ASB7: variants seen among roughly 807,000 people sequenced by gnomAD.
ASB7 encodes ankyrin repeat and SOCS box protein 7.
Under a neutral mutation model 32.5 loss-of-function variants are expected in ASB7, and 4 were observed. That is an observed-to-expected ratio of 0.12 (90% CI 0.06 to 0.28). The LOEUF is 0.28. Among genes scored for constraint, ASB7 ranks in the 10% least tolerant of loss-of-function variants. ASB7 has a pLI of 1.00. For missense variants in ASB7, 181 were observed against 407.1 expected (o/e 0.44, Z 4.78); for synonymous variants, 172 against 155.6 (o/e 1.11, Z -0.78).
At chr15:100,627,280 G>A (rs1218376146) in intron 4 of ASB7, among the ~76,000 whole-genome samples, 2 of 152,184 alleles carry the variant, frequency 1.3e-5, no homozygotes, top group Non-Finnish European at 2.9e-5. Flanking sequence ...TGCTGTTTTA[G>A]ATGAAATGTT....
At chr15:100,614,318 G>A (rs1352998322) in intron 4 of ASB7, among the ~76,000 whole-genome samples, 3 of 151,502 alleles carry the variant, frequency 2.0e-5, no homozygotes, top group South Asian at 2.1e-4. Flanking sequence ...AAATTCTGTC[G>A]TATTATGTTG....
At chr15:100,610,448 T>C (rs2039685524) in intron 3 of ASB7, among the ~76,000 whole-genome samples, 1 of 150,508 alleles carries the variant, frequency 6.6e-6, no homozygotes, top group Non-Finnish European at 1.5e-5. Flanking sequence ...TGAGCTCAGA[T>C]CGCGCCACTG....
chr15:100,648,204 G>A, intron 5 of ASB7, 119 bp from the exon 6 acceptor site: 1 of 1,112,308 alleles, frequency 9.0e-7, no homozygotes, highest in Admixed American at 3.3e-5. Flanking sequence ...TATCTTTCCG[G>A]TCCTTTGCAT....
chr15:100,618,416 C>T (rs1423157586), intron 4 of ASB7, among the ~76,000 whole-genome samples: 1 of 152,042 alleles, frequency 6.6e-6, no homozygotes, highest in African/African-American at 2.4e-5. Flanking sequence ...CGTCCAGTCT[C>T]GAAACAATGT....
intron 4 of ASB7, among the ~76,000 whole-genome samples, chr15:100,627,904 C>T (rs769070405): frequency 1.3e-5 from 2 of 152,188 alleles, no homozygotes; most frequent in Non-Finnish European, 2.9e-5. Flanking sequence ...GTAAGCGATG[C>T]ACCTGGAACC....
intron 4 of ASB7, among the ~76,000 whole-genome samples, chr15:100,628,854 C>A (rs2039862244): frequency 6.6e-6 from 1 of 152,170 alleles, no homozygotes; most frequent in African/African-American, 2.4e-5. Context: ...GAATAGACTT[C>A]TATCTTGTGA....
intron 2 of ASB7, among the ~76,000 whole-genome samples, chr15:100,604,118 G>C (rs1307040475): frequency 6.6e-6 from 1 of 152,168 alleles, no homozygotes; most frequent in Non-Finnish European, 1.5e-5. Context: ...CTTTTGGTGT[G>C]TTTACATATC....
intron 5 of ASB7, chr15:100,646,269 T>G (rs879865550): frequency 1.5e-5 from 6 of 396,024 alleles, no homozygotes; most frequent in Non-Finnish European, 3.0e-5. Context: ...ATGTTGACTT[T>G]CCTTCCAAGG....
chr15:100,625,169 G>A (rs1309709577), intron 4 of ASB7, among the ~76,000 whole-genome samples: 1 of 152,138 alleles, frequency 6.6e-6, no homozygotes, highest in East Asian at 1.9e-4. Flanking sequence ...TTAAGATCAG[G>A]AACCAAGGGA....
intron 2 of ASB7, among the ~76,000 whole-genome samples, chr15:100,603,770 T>A (rs1025044849): frequency 6.6e-6 from 1 of 152,206 alleles, no homozygotes; most frequent in Non-Finnish European, 1.5e-5. Context: ...GAAAAATCTT[T>A]TGAGTTATCT....
At chr15:100,614,990 AC>A (rs1418805944) in intron 4 of ASB7, among the ~76,000 whole-genome samples, 3 of 152,142 alleles carry the variant, frequency 2.0e-5, no homozygotes, top group East Asian at 3.8e-4. Context: ...AAATTATAAT[AC>A]CATGTTTTAC....
At chr15:100,640,869 TA>T (rs2141406231) in intron 5 of ASB7, among the ~76,000 whole-genome samples, 1 of 152,346 alleles carries the variant, frequency 6.6e-6, no homozygotes, top group East Asian at 1.9e-4. Flanking sequence ...TCCTATTTTA[TA>T]CCAGCCCAAT....
In ASB7 at chr15:100,651,299, G is replaced by A. The variant is rs1048180523; in HGVS notation, c.*2837G>A. The A allele has an allele frequency of 1.3e-5, 2 of 151,452 alleles. No individual in the cohort carries two copies. The highest frequency in any genetic ancestry group is 4.9e-5 in the African/African-American group (2 of 41,114). 9.4% of individuals were successfully genotyped at this position (151,452 alleles called of 1,614,324 possible). A position where few individuals can be genotyped will look rare whatever the true frequency, so the allele number is the denominator to read the frequency against. ...ATATTTCTAAACTATTTACTACACAGTAATCCATGCCTGTTAGTTTGGAGG... is the reference window on the plus strand; with the variant it reads ...ATATTTCTAAACTATTTACTACACAATAATCCATGCCTGTTAGTTTGGAGG... On this transcript the variant is annotated 3_prime_UTR_variant, in exon 6 of 6. Coordinates refer to ENST00000332783, the MANE Select transcript of ASB7 (RefSeq NM_198243.3).
chr15:100,630,826 C>T lies in ASB7; in HGVS notation c.817+784C>T, dbSNP rs368913757. ...TGACCAGTTGAATGTGTGTCTCATG[C>T]TTAATGTCCACCATGAAGCTAAAAT... is the stretch of plus-strand genomic sequence containing the variant. On this transcript the variant is annotated intron_variant, in intron 5 of 5. Coordinates refer to ENST00000332783, the MANE Select transcript of ASB7 (RefSeq NM_198243.3). 5.6e-4 allele frequency among the ~76,000 whole-genome samples: 85 copies of T among 152,326 alleles called. 2 individuals carry two copies. Among genetic ancestry groups the T allele is most frequent in the African/African-American group, 1.9e-3 (78 of 41,568 alleles).
chr15:100,603,760 G>GA (rs1215982834), intron 2 of ASB7, among the ~76,000 whole-genome samples: 5 of 152,110 alleles, frequency 3.3e-5, no homozygotes, highest in African/African-American at 1.2e-4. Context: ...ACCTGCATCA[G>GA]AAAAATCTTT....
At chr15:100,634,185 C>T (rs1335520745) in intron 5 of ASB7, among the ~76,000 whole-genome samples, 7 of 152,288 alleles carry the variant, frequency 4.6e-5, no homozygotes, top group African/African-American at 1.4e-4. Flanking sequence ...TTCTTCCTCA[C>T]AGGGTAAACT....
chr15:100,608,368 AT>A (rs1180573528), intron 2 of ASB7, among the ~76,000 whole-genome samples: 1 of 152,228 alleles, frequency 6.6e-6, no homozygotes, highest in Non-Finnish European at 1.5e-5. Flanking sequence ...ATTATTTGGA[AT>A]TCTGAACAAC....
At chr15:100,616,362 T>A (rs2039742859) in intron 4 of ASB7, among the ~76,000 whole-genome samples, 1 of 152,186 alleles carries the variant, frequency 6.6e-6, no homozygotes, top group Non-Finnish European at 1.5e-5. Flanking sequence ...TCAATGTAGG[T>A]GAATTATGGT....
intron 5 of ASB7, among the ~76,000 whole-genome samples, chr15:100,640,542 G>A (rs2039954442): frequency 6.6e-6 from 1 of 152,174 alleles, no homozygotes; most frequent in African/African-American, 2.4e-5. Flanking sequence ...GGAAGTTCAG[G>A]TGTGTAGAGC....
Sources: allele counts gnomAD v4.1 joint callset (sites outside exome capture counted in the v4.1 genomes callset), GRCh38; gene constraint gnomAD v4.1.1; transcripts MANE v1.5; gene names NCBI Gene and HGNC (gene_info 2026-07-23, HGNC 2026-07-21).